The following PIAS2 variants were observed in gnomAD, a reference collection of about 807,000 sequenced individuals.
PIAS2 encodes E3 SUMO-protein ligase PIAS2.
Under a neutral mutation model 69.7 loss-of-function variants are expected in PIAS2, and 19 were observed. The observed-to-expected ratio is 0.27, with a 90% CI of 0.19 to 0.40. The LOEUF (loss-of-function observed/expected upper bound fraction) is 0.40, where lower values mean the gene tolerates loss of function less well. Ranked by LOEUF, PIAS2 falls within the 10% of genes least tolerant of loss-of-function variation. The pLI is 1.00. For missense variants in PIAS2, 624 were observed against 757.0 expected (o/e 0.82, Z 2.06); for synonymous variants, 261 against 263.2 (o/e 0.99, Z 0.08).
At chr18:46,817,915 G>A in intron 12 of PIAS2, 1 of 981,482 alleles carries the variant, frequency 1.0e-6, no homozygotes, top group Non-Finnish European at 1.2e-6. Flanking sequence ...AAATTTTACT[G>A]CCTTGTTTCG....
At chr18:46,826,953 T>C (rs926489202) in intron 11 of PIAS2, 5 of 152,104 alleles carry the variant, frequency 3.3e-5, no homozygotes, top group African/African-American at 1.2e-4. Context: ...TTGCCTAGAT[T>C]TGGGGTGTAA....
At chr18:46,852,425 C>T (rs2047101738) in intron 5 of PIAS2, among the ~76,000 whole-genome samples, 1 of 152,180 alleles carries the variant, frequency 6.6e-6, no homozygotes, top group Admixed American at 6.5e-5. Flanking sequence ...TCTATTTCTT[C>T]TCCTCCTTCA....
At chr18:46,912,723 A>G (rs2057399680) in intron 1 of PIAS2, among the ~76,000 whole-genome samples, 1 of 152,220 alleles carries the variant, frequency 6.6e-6, no homozygotes, top group African/African-American at 2.4e-5. Context: ...GGCATGGTAT[A>G]TTTTTAGACT....
At chr18:46,820,277 T>C (rs1490974189) in intron 12 of PIAS2, among the ~76,000 whole-genome samples, 1 of 152,162 alleles carries the variant, frequency 6.6e-6, no homozygotes, top group Admixed American at 6.6e-5. Flanking sequence ...TTCTATTTTA[T>C]TATTAGTTAT....
At position 46,812,442 on chromosome 18, in the gene PIAS2, T is replaced by C. The variant is rs529198093; in HGVS notation, c.1857A>G (p.Ser619=). The change falls in exon 14 of 14, where the codon TCA becomes TCG. Residue 619 remains serine, a synonymous_variant. Transcript: ENST00000585916. ...SSGSNIPDII[S]LD ...TCAAGTGAGTCCTCCTTTAGTCCAA[T>C]GAGATGATGTCAGGAATGTTACTTC... is the stretch of plus-strand genomic sequence containing the variant. 1.3e-6 allele frequency: 2 copies of C among 1,592,840 alleles called. No homozygotes were observed. Among genetic ancestry groups the C allele is most frequent in the Non-Finnish European group, 1.7e-6 (2 of 1,162,096 alleles).
intron 12 of PIAS2, chr18:46,816,452 T>G (rs2041546378): frequency 1.0e-6 from 1 of 985,104 alleles, no homozygotes; most frequent in Admixed American, 6.2e-5. Context: ...TAAAGCCTTT[T>G]TGAAAATTGT....
chr18:46,855,208 C>G lies in PIAS2; in HGVS notation c.726+137G>C, dbSNP rs2047562822. The G allele has an allele frequency of 1.1e-5, 6 of 543,952 alleles. No homozygotes were observed. In the East Asian group the frequency reaches 1.7e-4, roughly 15 times the overall value. 33.7% of individuals were successfully genotyped at this position (543,952 alleles called of 1,614,324 possible). On this transcript the variant is annotated intron_variant, in intron 5 of 13. Transcript: ENST00000585916. ...ATTTATCCAAGAAGCCATGGGTTAC[C>G]CTAGTGGAAAATAGTATTTAATCTG...
chr18:46,879,527 T>C (rs1009091059), intron 2 of PIAS2, among the ~76,000 whole-genome samples: 7 of 152,074 alleles, frequency 4.6e-5, no homozygotes, highest in Non-Finnish European at 1.5e-5. Flanking sequence ...AAAATAGAAT[T>C]ACCATACGAT....
At chr18:46,868,033 C>T (rs894421668) in intron 2 of PIAS2, among the ~76,000 whole-genome samples, 1 of 152,190 alleles carries the variant, frequency 6.6e-6, no homozygotes, top group African/African-American at 2.4e-5. Flanking sequence ...GGCATAGCTG[C>T]CAAACATATC....
intron 6 of PIAS2, among the ~76,000 whole-genome samples, chr18:46,846,173 C>T (rs2046144267): frequency 6.6e-6 from 1 of 151,898 alleles, no homozygotes; most frequent in Non-Finnish European, 1.5e-5. Context: ...TATTATAAGA[C>T]CAAAAATCAA....
At chr18:46,860,629 A>C (rs980241061) in intron 3 of PIAS2, among the ~76,000 whole-genome samples, 2 of 152,186 alleles carry the variant, frequency 1.3e-5, no homozygotes, top group African/African-American at 4.8e-5. Flanking sequence ...GTAACACTGG[A>C]ATATAACTCA....
intron 3 of PIAS2, among the ~76,000 whole-genome samples, chr18:46,860,641 A>T (rs1393925333): frequency 1.3e-5 from 2 of 152,192 alleles, no homozygotes; most frequent in Non-Finnish European, 2.9e-5. Flanking sequence ...TATAACTCAT[A>T]GAGCACCCAT....
intron 12 of PIAS2, 103 bp downstream of exon 12, chr18:46,820,830 G>A (rs2042090838): frequency 9.8e-7 from 1 of 1,024,072 alleles, no homozygotes; most frequent in Non-Finnish European, 1.4e-6. Context: ...AATTTCCTTA[G>A]CACCTCTACT....
intron 11 of PIAS2, among the ~76,000 whole-genome samples, chr18:46,822,668 A>G (rs900513535): frequency 6.6e-6 from 1 of 152,186 alleles, no homozygotes; most frequent in Non-Finnish European, 1.5e-5. Context: ...CAGGGATCAA[A>G]CGAACAGGAC....
chr18:46,844,894 T>C (rs900899596), intron 6 of PIAS2, 55 bp from the exon 7 acceptor site: 4 of 666,276 alleles, frequency 6.0e-6, no homozygotes, highest in Non-Finnish European at 7.3e-6. Flanking sequence ...ATTCTCTTTG[T>C]TTACATGAAA....
At chr18:46,846,152 T>A (rs934613137) in intron 6 of PIAS2, among the ~76,000 whole-genome samples, 11 of 152,150 alleles carry the variant, frequency 7.2e-5, no homozygotes, top group Non-Finnish European at 1.2e-4. Flanking sequence ...TATCTCAAAA[T>A]TGACATAATT....
intron 12 of PIAS2, chr18:46,817,512 G>T: frequency 1.1e-6 from 1 of 942,626 alleles, no homozygotes; most frequent in Non-Finnish European, 1.3e-6. Flanking sequence ...TCTCTTTGAT[G>T]ATTTCATGTG....
chr18:46,868,856 C>A (rs2088384403), intron 2 of PIAS2, among the ~76,000 whole-genome samples: 1 of 152,214 alleles, frequency 6.6e-6, no homozygotes, highest in South Asian at 2.1e-4. Flanking sequence ...CGTCCCCCTG[C>A]CTCACTGTGG....
At chr18:46,818,818 A>G (rs1026210569) in intron 12 of PIAS2, among the ~76,000 whole-genome samples, 7 of 152,108 alleles carry the variant, frequency 4.6e-5, no homozygotes, top group Admixed American at 1.3e-4. Flanking sequence ...AACCAGTATC[A>G]CCATAACTGT....
Sources: gnomAD v4.1 joint callset for allele counts (sites outside exome capture counted in the v4.1 genomes callset) on GRCh38, gnomAD v4.1.1 for gene constraint, MANE v1.5 for transcripts, NCBI Gene and HGNC (gene_info 2026-07-23, HGNC 2026-07-21) for gene names.